LARGE1: variants seen among roughly 807,000 people sequenced by gnomAD.
The protein encoded by LARGE1 is xylosyl- and glucuronyltransferase LARGE1.
LARGE1 carries 43 observed loss-of-function variants against 87.6 expected under a neutral mutation model. That is an observed-to-expected ratio of 0.49 (90% CI 0.38 to 0.63). LARGE1 has a LOEUF of 0.63. Among genes scored for constraint, LARGE1 ranks in the 30% least tolerant of loss-of-function variants. The pLI is 0.00. For synonymous variants in LARGE1, 434 were observed against 394.6 expected, an observed-to-expected ratio of 1.10 and a Z score of -1.18; for missense variants, 802 against 1,000.2, an observed-to-expected ratio of 0.80 and a Z score of 2.67.
intron 1 of LARGE1, among the ~76,000 whole-genome samples, chr22:33,900,089 T>C (rs1429383005): frequency 2.0e-5 from 3 of 152,140 alleles, no homozygotes; most frequent in Admixed American, 6.5e-5. Flanking sequence ...ATACAGCTCA[T>C]GAAAACAAAC....
chr22:33,538,807 A>G (rs978192457), intron 6 of LARGE1, among the ~76,000 whole-genome samples: 1 of 152,198 alleles, frequency 6.6e-6, no homozygotes, highest in Non-Finnish European at 1.5e-5. Flanking sequence ...GGTTCTAGAA[A>G]ATGAGCTTCT....
At chr22:33,764,145 A>G (rs173237) in intron 1 of LARGE1, among the ~76,000 whole-genome samples, 137,674 of 152,064 alleles carry the variant, frequency 0.91, 62,430 homozygotes, top group East Asian at 0.97. Flanking sequence ...ACCGCACCTG[A>G]CCCTTAATGA....
chr22:33,306,600 C>T (rs564793723), intron 11 of LARGE1, among the ~76,000 whole-genome samples: 87 of 152,214 alleles, frequency 5.7e-4, no homozygotes, highest in Non-Finnish European at 1.1e-3. Flanking sequence ...AGGCCAGGAG[C>T]GGTGGCTCAT....
At chr22:33,223,482 G>A (rs930818105) in intron 11 of LARGE1, among the ~76,000 whole-genome samples, 1 of 152,176 alleles carries the variant, frequency 6.6e-6, no homozygotes, top group Non-Finnish European at 1.5e-5. Flanking sequence ...CATCTGCCTG[G>A]AATCGCCACA....
intron 1 of LARGE1, among the ~76,000 whole-genome samples, chr22:33,814,335 G>A (rs1380198083): frequency 6.6e-6 from 1 of 152,130 alleles, no homozygotes; most frequent in Non-Finnish European, 1.5e-5. Context: ...GCCCAACAGG[G>A]TCAAATACTT....
intron 6 of LARGE1, among the ~76,000 whole-genome samples, chr22:33,478,806 G>A (rs1467472996): frequency 1.3e-5 from 2 of 152,132 alleles, no homozygotes; most frequent in Non-Finnish European, 2.9e-5. Context: ...TCCCGTAGCA[G>A]GGATAGTCCA....
intron 4 of LARGE1, among the ~76,000 whole-genome samples, chr22:33,624,573 C>T (rs1020593768): frequency 7.9e-5 from 12 of 152,056 alleles, no homozygotes; most frequent in East Asian, 7.7e-4. Flanking sequence ...AGGCCGGACA[C>T]GCTATGGGGG....
intron 1 of LARGE1, among the ~76,000 whole-genome samples, chr22:33,900,444 C>T (rs546091444): frequency 4.8e-4 from 73 of 152,174 alleles, no homozygotes; most frequent in Non-Finnish European, 6.2e-4. Flanking sequence ...AATGAAGAGC[C>T]TCTAATGTCC....
chr22:33,299,777 A>AG (rs1360722285), intron 12 of LARGE1, among the ~76,000 whole-genome samples: 5 of 152,218 alleles, frequency 3.3e-5, no homozygotes, highest in Non-Finnish European at 7.3e-5. Context: ...CTGGCTTCAA[A>AG]GGCAAGTCTG....
At chr22:33,870,325 G>A (rs183262073) in intron 1 of LARGE1, among the ~76,000 whole-genome samples, 4 of 152,298 alleles carry the variant, frequency 2.6e-5, no homozygotes, top group African/African-American at 7.2e-5. Context: ...TCTCATTTCT[G>A]TTGTTTTGAG....
intron 6 of LARGE1, among the ~76,000 whole-genome samples, chr22:33,468,869 A>G (rs572707650): frequency 7.5e-4 from 114 of 152,116 alleles, no homozygotes; most frequent in African/African-American, 2.5e-3. Context: ...AGACTCCCAA[A>G]TCTCCATCAG....
chr22:33,185,534 C>T (rs1923428000), intron 11 of LARGE1, among the ~76,000 whole-genome samples: 1 of 152,002 alleles, frequency 6.6e-6, no homozygotes, highest in Non-Finnish European at 1.5e-5. Flanking sequence ...CAAGAGTGAT[C>T]CCTAATGTAA....
intron 2 of LARGE1, among the ~76,000 whole-genome samples, chr22:33,679,978 C>T (rs770747812): frequency 6.6e-6 from 1 of 152,218 alleles, no homozygotes; most frequent in African/African-American, 2.4e-5. Flanking sequence ...ACAAGCGGGA[C>T]ACAATCAATT....
At chr22:33,194,284 G>A (rs1923951753) in intron 11 of LARGE1, among the ~76,000 whole-genome samples, 1 of 152,116 alleles carries the variant, frequency 6.6e-6, no homozygotes, top group African/African-American at 2.4e-5. Context: ...TTTGAAAAGA[G>A]TTCTAAACAA....
Position 33,203,099 on chromosome 22 carries a change from CTCTGTG to C in LARGE1, c.1731-36273_1731-36268del, listed in dbSNP as rs1360925715. Among the ~76,000 whole-genome samples, 13 of 129,118 alleles carry C rather than the reference CTCTGTG, an allele frequency of 1.0e-4. No homozygotes were observed. The South Asian group carries it at 2.4e-3, about 24-fold the overall frequency. The allele number at this position is 129,118 out of a possible 152,430, so 84.7% of individuals were successfully genotyped here. On this transcript the variant is annotated intron_variant, in intron 11 of 11. Coordinates refer to the LARGE1 transcript ENST00000608642. ...TCTCTCTCTCTCTCTCTCTCTCTCT[CTCTGTG>C]TGTGTGTGTGTGTGTGTGTGCAAGA...
At chr22:33,448,255 G>T (rs903396929) in intron 6 of LARGE1, among the ~76,000 whole-genome samples, 1 of 152,126 alleles carries the variant, frequency 6.6e-6, no homozygotes, top group Non-Finnish European at 1.5e-5. Context: ...GGAAGTATGT[G>T]AATTTCACCT....
chr22:33,403,057 AAAC>A (rs75141421), intron 7 of LARGE1, among the ~76,000 whole-genome samples: 6 of 151,536 alleles, frequency 4.0e-5, no homozygotes, highest in South Asian at 4.2e-4. Context: ...AAAACAAAAC[AAAC>A]AACAACAACA....
At chr22:33,866,294 G>A (rs1002398454) in intron 1 of LARGE1, among the ~76,000 whole-genome samples, 2 of 152,102 alleles carry the variant, frequency 1.3e-5, no homozygotes, top group Non-Finnish European at 2.9e-5. Flanking sequence ...CATATAGGGG[G>A]CTGTTTTGCC....
chr22:33,726,703 A>C lies in LARGE1; in HGVS notation c.106+34668T>G, dbSNP rs943820071. Among the ~76,000 whole-genome samples, 8 of 152,188 alleles carry C rather than the reference A, an allele frequency of 5.3e-5. No individual in the cohort carries two copies. In the East Asian group the frequency reaches 7.7e-4, roughly 15 times the overall value. On this transcript the variant is annotated intron_variant, in intron 2 of 14. Coordinates refer to ENST00000397394, the MANE Select transcript of LARGE1 (RefSeq NM_133642.5). Reference sequence around the variant, plus strand: ...CCTTTTTAATATGGTGTATTTGTGAAGCTTCCATTACTTGGCCAGCCCCAA... The same window carrying C: ...CCTTTTTAATATGGTGTATTTGTGACGCTTCCATTACTTGGCCAGCCCCAA...
Sources: gnomAD v4.1 joint callset for allele counts (sites outside exome capture counted in the v4.1 genomes callset) on GRCh38, gnomAD v4.1.1 for gene constraint, MANE v1.5 for transcripts, NCBI Gene and HGNC (gene_info 2026-07-23, HGNC 2026-07-21) for gene names.